Variants in GDAP1 observed in about 807,000 individuals in gnomAD.
The protein encoded by GDAP1 is ganglioside-induced differentiation-associated protein 1.
Under a neutral mutation model 40.1 loss-of-function variants are expected in GDAP1, and 34 were observed. The ratio of observed to expected loss-of-function variants is 0.85; its 90% CI spans 0.64 to 1.13. The LOEUF (loss-of-function observed/expected upper bound fraction) is 1.13. GDAP1 is among the 50% of genes most tolerant of loss of function. GDAP1 has a pLI of 0.00. For synonymous variants in GDAP1, 170 were observed against 157.4 expected (o/e 1.08, Z -0.60); for missense variants, 374 against 433.7 (o/e 0.86, Z 1.22).
At chr8:74,485,365 G>A (rs1456384183) in intron 2 of GDAP1, among the ~76,000 whole-genome samples, 5 of 152,104 alleles carry the variant, frequency 3.3e-5, no homozygotes, top group Non-Finnish European at 7.4e-5. Context: ...GTGACCATTA[G>A]TCCTGGCTTT....
chr8:74,363,807 CT>C (rs931565953), intron 5 of GDAP1, among the ~76,000 whole-genome samples, 177 bp from the exon 6 acceptor site: 1 of 151,426 alleles, frequency 6.6e-6, no homozygotes, highest in African/African-American at 2.4e-5. Context: ...TTTGCATGGA[CT>C]TTTTTTTTAA....
At chr8:74,439,864 CT>C (rs1379314550) in intron 2 of GDAP1, among the ~76,000 whole-genome samples, 1 of 151,770 alleles carries the variant, frequency 6.6e-6, no homozygotes, top group African/African-American at 2.4e-5. Flanking sequence ...CTCTCTAATG[CT>C]TTTTAGTAAA....
At chr8:74,362,902 A>G in intron 4 of GDAP1, 37 bp from the exon 5 acceptor site, 1 of 908,410 alleles carries the variant, frequency 1.1e-6, no homozygotes, top group Non-Finnish European at 1.9e-6. Flanking sequence ...AAAGGTGCAA[A>G]TAATATGTTT....
intron 2 of GDAP1, among the ~76,000 whole-genome samples, chr8:74,442,339 C>G (rs1806173213): frequency 2.0e-5 from 3 of 152,204 alleles, no homozygotes; most frequent in Admixed American, 1.3e-4. Context: ...TCCTGAAAAG[C>G]TTATTGTCAT....
intron 2 of GDAP1, among the ~76,000 whole-genome samples, chr8:74,466,396 A>T (rs1236781618): frequency 4.6e-5 from 7 of 152,190 alleles, no homozygotes; most frequent in Admixed American, 4.6e-4. Context: ...TGGAGAAAAA[A>T]ACTGAAGAGG....
chr8:74,443,150 AGT>A (rs1264253257), intron 2 of GDAP1, among the ~76,000 whole-genome samples: 1 of 152,204 alleles, frequency 6.6e-6, no homozygotes, highest in East Asian at 1.9e-4. Context: ...GTAAGAAGGA[AGT>A]GCCCAGTGAG....
At chr8:74,437,640 T>C (rs1222098513) in intron 2 of GDAP1, among the ~76,000 whole-genome samples, 4 of 152,148 alleles carry the variant, frequency 2.6e-5, no homozygotes, top group African/African-American at 9.7e-5. Flanking sequence ...TGGCAAAATA[T>C]ATAGTATCTT....
downstream of GDAP1, among the ~76,000 whole-genome samples, chr8:74,367,694 C>G (rs1402101653): frequency 1.3e-5 from 2 of 152,142 alleles, no homozygotes; most frequent in Admixed American, 1.3e-4. Context: ...AGTTGTTTTA[C>G]TAGGTAGGGT....
At chr8:74,363,884 C>A in intron 5 of GDAP1, 101 bp from the exon 6 acceptor site, 1 of 899,068 alleles carries the variant, frequency 1.1e-6, no homozygotes, top group Non-Finnish European at 1.9e-6. Flanking sequence ...TCATCTTTTG[C>A]TATACTCACA....
At chr8:74,401,360 C>T (rs1586822814) in intron 2 of GDAP1, among the ~76,000 whole-genome samples, 1 of 150,014 alleles carries the variant, frequency 6.7e-6, no homozygotes, top group South Asian at 2.1e-4. Context: ...CCTGAGGCTT[C>T]TGCATTCTTC....
intron 2 of GDAP1, among the ~76,000 whole-genome samples, chr8:74,423,744 C>A (rs1287585086): frequency 6.6e-6 from 1 of 151,918 alleles, no homozygotes; most frequent in Non-Finnish European, 1.5e-5. Flanking sequence ...CCGGATGGAC[C>A]ACAAATGGGA....
chr8:74,454,683 G>T (rs1419909266), intron 2 of GDAP1, among the ~76,000 whole-genome samples: 2 of 15,304 alleles, frequency 1.3e-4, no homozygotes, highest in Non-Finnish European at 2.6e-4. Flanking sequence ...TCATTGCTCT[G>T]GGCCCTAAAA....
intron 2 of GDAP1, among the ~76,000 whole-genome samples, chr8:74,397,817 T>C (rs1030782791): frequency 2.5e-3 from 377 of 152,196 alleles, no homozygotes; most frequent in African/African-American, 8.8e-3. Flanking sequence ...TCTTTTGGCT[T>C]AGGATTGACT....
chr8:74,376,770 A>G (rs1443395673), intron 2 of GDAP1: 1 of 152,042 alleles, frequency 6.6e-6, no homozygotes, highest in Non-Finnish European at 1.5e-5. Context: ...CTCCACTTCC[A>G]CTGCTTCACT....
At chr8:74,435,010 T>C (rs1744152672) in intron 2 of GDAP1, among the ~76,000 whole-genome samples, 1 of 152,226 alleles carries the variant, frequency 6.6e-6, no homozygotes, top group African/African-American at 2.4e-5. Flanking sequence ...TAAAATTAAA[T>C]GCTTTAAAAA....
At chr8:74,402,708 A>G (rs980784900) in intron 2 of GDAP1, among the ~76,000 whole-genome samples, 3 of 150,062 alleles carry the variant, frequency 2.0e-5, no homozygotes, top group Admixed American at 6.6e-5. Flanking sequence ...TCCTTCCCCA[A>G]AGCTTTTAAT....
chr8:74,362,216 T>C (rs1809402778), intron 4 of GDAP1, among the ~76,000 whole-genome samples: 1 of 152,214 alleles, frequency 6.6e-6, no homozygotes. Context: ...AAAAAAGTTA[T>C]GAAATGCAAA....
At chr8:74,401,661 G>T (rs1429708839) in intron 2 of GDAP1, among the ~76,000 whole-genome samples, 1 of 149,570 alleles carries the variant, frequency 6.7e-6, no homozygotes. Context: ...TTTCTGCTCC[G>T]TTTTTTTCCC....
chr8:74,354,930 AGTGAACCAGTAT>A (rs1809030648), intron 2 of GDAP1, among the ~76,000 whole-genome samples: 1 of 152,248 alleles, frequency 6.6e-6, no homozygotes, highest in Non-Finnish European at 1.5e-5. Flanking sequence ...AACAGAATGT[AGTGAACCAGTAT>A]GTCCTTCACT....
Sources: allele counts gnomAD v4.1 joint callset (sites outside exome capture counted in the v4.1 genomes callset), GRCh38; gene constraint gnomAD v4.1.1; transcripts MANE v1.5; gene names NCBI Gene and HGNC (gene_info 2026-07-23, HGNC 2026-07-21).